The following ADAMTS6 variants were observed in gnomAD, a reference collection of about 807,000 sequenced individuals.
ADAMTS6 encodes the protein ADAM metallopeptidase with thrombospondin type 1 motif 6, also known as A disintegrin and metalloproteinase with thrombospondin motifs 6.
Under a neutral mutation model 144.3 loss-of-function variants are expected in ADAMTS6, and 23 were observed. The observed-to-expected ratio is 0.16, with a 90% CI of 0.11 to 0.23. ADAMTS6 has a LOEUF of 0.23. Among genes scored for constraint, ADAMTS6 ranks in the 10% least tolerant of loss-of-function variants. ADAMTS6 has a pLI of 1.00. For missense variants in ADAMTS6, 999 were observed against 1,379.6 expected (o/e 0.72, Z 4.37); for synonymous variants, 444 against 457.5 (o/e 0.97, Z 0.38).
At chr5:65,169,666 G>A (rs1238568196) in intron 24 of ADAMTS6, among the ~76,000 whole-genome samples, 4 of 151,026 alleles carry the variant, frequency 2.6e-5, no homozygotes, top group Non-Finnish European at 5.9e-5. Flanking sequence ...ACTGGATTAA[G>A]AAAATGTGGC....
chr5:65,192,002 A>G (rs905799971), intron 21 of ADAMTS6, among the ~76,000 whole-genome samples: 3 of 152,048 alleles, frequency 2.0e-5, no homozygotes, highest in African/African-American at 7.2e-5. Flanking sequence ...GGACCTAAAT[A>G]ATTTCTATGA....
intron 12 of ADAMTS6, among the ~76,000 whole-genome samples, chr5:65,266,740 C>T (rs1483915008): frequency 1.6e-4 from 24 of 152,034 alleles, no homozygotes. Context: ...AAGTTAAAAA[C>T]CTACGGAACA....
rs1037617546 is a variant in ADAMTS6 at position 65,470,720 on chromosome 5, T to A, written c.462+58A>T. On this transcript the variant is annotated intron_variant, in intron 3 of 24. Coordinates refer to ENST00000381055, the MANE Select transcript of ADAMTS6 (RefSeq NM_197941.4). ...TTTTTTTTAATCTGAGGAAAGACAT[T>A]TACATTGCAAAATTCTTATTTTCCC... is the stretch of plus-strand genomic sequence containing the variant. 12 of 1,450,530 alleles carry A rather than the reference T, an allele frequency of 8.3e-6. No individual in the cohort carries two copies. In the African/African-American group the frequency reaches 1.7e-4, roughly 21 times the overall value. 89.9% of individuals were successfully genotyped at this position (1,450,530 alleles called of 1,614,324 possible).
At chr5:65,408,481 A>G (rs947762092) in intron 7 of ADAMTS6, among the ~76,000 whole-genome samples, 32 of 152,244 alleles carry the variant, frequency 2.1e-4, no homozygotes, top group Admixed American at 1.8e-3. Context: ...CAATACAGGA[A>G]CACCCAGATT....
intron 3 of ADAMTS6, among the ~76,000 whole-genome samples, chr5:65,469,956 T>G (rs1477438322): frequency 6.6e-6 from 1 of 152,220 alleles, no homozygotes; most frequent in Non-Finnish European, 1.5e-5. Flanking sequence ...AGAGAAAGCA[T>G]GGAAATTTGC....
At chr5:65,235,117 A>G (rs930611715) in intron 15 of ADAMTS6, among the ~76,000 whole-genome samples, 2 of 152,206 alleles carry the variant, frequency 1.3e-5, no homozygotes, top group Non-Finnish European at 2.9e-5. Context: ...GCTTTCAGTT[A>G]TAAGAGGGAT....
At chr5:65,393,627 G>A (rs1753099765) in intron 7 of ADAMTS6, among the ~76,000 whole-genome samples, 12 of 152,132 alleles carry the variant, frequency 7.9e-5, no homozygotes, top group Admixed American at 7.9e-4. Flanking sequence ...GCCTGTCAGA[G>A]TACAAATGAT....
chr5:65,430,762 G>A (rs1047369936), intron 7 of ADAMTS6, among the ~76,000 whole-genome samples: 5 of 152,174 alleles, frequency 3.3e-5, no homozygotes, highest in Non-Finnish European at 5.9e-5. Flanking sequence ...AATAAGCCAA[G>A]CTCTGTCCCA....
At chr5:65,477,015 C>T (rs1404467490) in intron 1 of ADAMTS6, among the ~76,000 whole-genome samples, 1 of 152,130 alleles carries the variant, frequency 6.6e-6, no homozygotes, top group Non-Finnish European at 1.5e-5. Flanking sequence ...CTAATTTAGG[C>T]AAGATAGCAG....
intron 9 of ADAMTS6, among the ~76,000 whole-genome samples, chr5:65,323,737 G>C (rs987295259): frequency 6.6e-6 from 1 of 152,174 alleles, no homozygotes; most frequent in African/African-American, 2.4e-5. Context: ...CCCACCAACA[G>C]TGTAAAAGTG....
chr5:65,175,182 G>A (rs1753891790), intron 22 of ADAMTS6, among the ~76,000 whole-genome samples: 1 of 151,936 alleles, frequency 6.6e-6, no homozygotes, highest in Non-Finnish European at 1.5e-5. Context: ...GACCAGCAGA[G>A]AGAGACAGAG....
intron 7 of ADAMTS6, among the ~76,000 whole-genome samples, chr5:65,430,978 C>T (rs1362025037): frequency 6.6e-6 from 1 of 152,094 alleles, no homozygotes; most frequent in African/African-American, 2.4e-5. Flanking sequence ...TCAAGTTTCT[C>T]TTGAGTGAAA....
At chr5:65,171,094 C>T (rs994608827) in intron 23 of ADAMTS6, among the ~76,000 whole-genome samples, 1 of 151,932 alleles carries the variant, frequency 6.6e-6, no homozygotes, top group Admixed American at 6.6e-5. Context: ...ACTGCAAGCT[C>T]TGCCTCCCGG....
rs866927776 is a variant in ADAMTS6, at chr5:65,159,153, C to T, written c.3245-7208G>A. On this transcript the variant is annotated intron_variant, in intron 24 of 24. Coordinates refer to ENST00000381055, the MANE Select transcript of ADAMTS6 (RefSeq NM_197941.4). ...TATTCTCCTTTCATTTTATTATTTT[C>T]CCCCCAGTTCATCACTCTCCTTTTA... 4.6e-4 allele frequency among the ~76,000 whole-genome samples: 70 copies of T among 152,048 alleles called. No homozygotes were observed. In the Middle Eastern group the frequency reaches 0.02, roughly 44 times the overall value.
intron 7 of ADAMTS6, among the ~76,000 whole-genome samples, chr5:65,393,432 T>C (rs998232756): frequency 1.3e-5 from 2 of 152,228 alleles, no homozygotes; most frequent in Non-Finnish European, 2.9e-5. Flanking sequence ...ATTTTAACAC[T>C]ATGACCTAGC....
intron 11 of ADAMTS6, among the ~76,000 whole-genome samples, chr5:65,277,441 T>C (rs527585129): frequency 1.3e-5 from 2 of 152,176 alleles, no homozygotes; most frequent in Non-Finnish European, 1.5e-5. Flanking sequence ...GAACAGGTGC[T>C]TGCTTTATTT....
At chr5:65,204,768 T>C (rs1342744211) in intron 20 of ADAMTS6, among the ~76,000 whole-genome samples, 2 of 152,216 alleles carry the variant, frequency 1.3e-5, no homozygotes, top group South Asian at 2.1e-4. Flanking sequence ...ATCTCAGTGA[T>C]AGGTTTTATA....
At chr5:65,480,687 C>T (rs1200039703) in intron 1 of ADAMTS6, among the ~76,000 whole-genome samples, 1 of 152,208 alleles carries the variant, frequency 6.6e-6, no homozygotes, top group Non-Finnish European at 1.5e-5. Flanking sequence ...AATCCCTGAA[C>T]TTTGGTCCCA....
intron 22 of ADAMTS6, among the ~76,000 whole-genome samples, chr5:65,175,589 G>C (rs998750316): frequency 2.0e-5 from 3 of 152,004 alleles, no homozygotes; most frequent in African/African-American, 7.3e-5. Flanking sequence ...CCTGTGGATG[G>C]CCCAGAAGCA....
Sources: gnomAD v4.1 joint callset for allele counts (sites outside exome capture counted in the v4.1 genomes callset) on GRCh38, gnomAD v4.1.1 for gene constraint, MANE v1.5 for transcripts, NCBI Gene and HGNC (gene_info 2026-07-23, HGNC 2026-07-21) for gene names.